The following SERPINI1 variants were observed in gnomAD, a reference collection of about 807,000 sequenced individuals.
The protein encoded by SERPINI1 is serpin family I member 1.
In SERPINI1, 19 loss-of-function variants were observed where a neutral mutation model predicts 41.1. The ratio of observed to expected loss-of-function variants is 0.46; its 90% CI spans 0.32 to 0.68. The LOEUF is 0.68. Ranked by LOEUF, SERPINI1 falls within the 30% of genes least tolerant of loss-of-function variation. SERPINI1 has a pLI of 0.03. For missense variants in SERPINI1, 460 were observed against 479.2 expected, an observed-to-expected ratio of 0.96 and a Z score of 0.37; for synonymous variants, 138 against 156.6, an observed-to-expected ratio of 0.88 and a Z score of 0.89.
At chr3:167,781,281 A>G (rs755477476) in intron 1 of SERPINI1, among the ~76,000 whole-genome samples, 11 of 152,132 alleles carry the variant, frequency 7.2e-5, no homozygotes, top group Non-Finnish European at 1.3e-4. Context: ...TCCAAACACC[A>G]TGATAAAGTT....
At chr3:167,784,620 G>C (rs1039145185) in intron 1 of SERPINI1, among the ~76,000 whole-genome samples, 11 of 152,116 alleles carry the variant, frequency 7.2e-5, no homozygotes, top group Non-Finnish European at 1.0e-4. Context: ...TTCTTCACAG[G>C]GTGGCAGGAT....
At chr3:167,779,565 C>A (rs1296573526) in intron 1 of SERPINI1, among the ~76,000 whole-genome samples, 1 of 152,128 alleles carries the variant, frequency 6.6e-6, no homozygotes, top group Non-Finnish European at 1.5e-5. Flanking sequence ...AACTTCAAAA[C>A]CCATAGAGTC....
chr3:167,824,518 T>C lies in SERPINI1; in HGVS notation c.1112T>C (p.Ile371Thr). ...SRMAVLYPQV[I>T]VDHPFFFLIR... ...ATGGCTGTGCTGTATCCTCAAGTTA[T>C]TGTCGACCATCCATTTTTCTTTCTT... Residue 371 changes from isoleucine to threonine, a missense_variant, in exon 8 of 9, where the codon ATT becomes ACT. By Grantham distance (89) the Ile-to-Thr change is moderately conservative. Transcript: ENST00000446050. 1.2e-6 allele frequency: 2 copies of C among 1,613,718 alleles called. No individual in the cohort carries two copies. Among genetic ancestry groups the C allele is most frequent in the Non-Finnish European group, 1.7e-6 (2 of 1,179,764 alleles).
chr3:167,759,953 A>C (rs774305462), intron 1 of SERPINI1, among the ~76,000 whole-genome samples: 15 of 152,188 alleles, frequency 9.9e-5, no homozygotes, highest in South Asian at 2.1e-4. Flanking sequence ...TTCTGTAGTC[A>C]AGACACTGCA....
rs975425993 is a variant in SERPINI1, at chr3:167,744,075, C to T, written c.-19+8252C>T. Among the ~76,000 whole-genome samples, 4 of 151,970 alleles carry T rather than the reference C, an allele frequency of 2.6e-5. No homozygotes were observed. In the East Asian group the frequency reaches 7.7e-4, roughly 29 times the overall value. On this transcript the variant is annotated intron_variant, in intron 1 of 8. Transcript: ENST00000446050. Reference sequence around the variant, plus strand: ...CAAGACTAAAGTATTTCCTATCTGGCCCTTTTAAAAAAATTTGTCAAACAC... The same window carrying T: ...CAAGACTAAAGTATTTCCTATCTGGTCCTTTTAAAAAAATTTGTCAAACAC...
intron 1 of SERPINI1, among the ~76,000 whole-genome samples, chr3:167,786,990 C>G (rs1727338878): frequency 6.6e-6 from 1 of 152,184 alleles, no homozygotes; most frequent in African/African-American, 2.4e-5. Context: ...AAAGCATTTT[C>G]TTTCTTTATA....
chr3:167,741,059 G>A (rs1725662991), intron 1 of SERPINI1, among the ~76,000 whole-genome samples: 1 of 152,164 alleles, frequency 6.6e-6, no homozygotes, highest in Admixed American at 6.5e-5. Flanking sequence ...GAGCCATCAT[G>A]AAGAACGAAT....
intron 5 of SERPINI1, among the ~76,000 whole-genome samples, chr3:167,803,541 C>A (rs2108565183): frequency 6.6e-6 from 1 of 152,242 alleles, no homozygotes; most frequent in African/African-American, 2.4e-5. Flanking sequence ...CTTATTTAAT[C>A]TTTCCAACAA....
chr3:167,765,079 T>C (rs1211276619), intron 1 of SERPINI1, among the ~76,000 whole-genome samples: 1 of 152,172 alleles, frequency 6.6e-6, no homozygotes, highest in Non-Finnish European at 1.5e-5. Context: ...AGGCACACAG[T>C]GCAAGCTATC....
At chr3:167,757,583 C>T (rs918070578) in intron 1 of SERPINI1, among the ~76,000 whole-genome samples, 5 of 151,930 alleles carry the variant, frequency 3.3e-5, no homozygotes, top group African/African-American at 4.8e-5. Context: ...AATCATACTC[C>T]GTGTTGGCCT....
chr3:167,763,600 A>C (rs1404226936), intron 1 of SERPINI1, among the ~76,000 whole-genome samples: 1 of 152,170 alleles, frequency 6.6e-6, no homozygotes, highest in East Asian at 1.9e-4. Flanking sequence ...TCAGGCTGCT[A>C]TACCACGATT....
chr3:167,807,625 T>A (rs928759424), intron 6 of SERPINI1, among the ~76,000 whole-genome samples: 2 of 152,162 alleles, frequency 1.3e-5, no homozygotes, highest in Non-Finnish European at 2.9e-5. Flanking sequence ...TCTGACATAA[T>A]GCCTTGTAGA....
chr3:167,748,793 T>TGTGTGTGTG (rs1559994325), intron 1 of SERPINI1, among the ~76,000 whole-genome samples: 1 of 145,970 alleles, frequency 6.9e-6, no homozygotes, highest in Non-Finnish European at 1.5e-5. Context: ...TGTGTGTGTG[T>TGTGTGTGTG]TAACTGTATC....
At chr3:167,796,346 T>C (rs1451084224) in intron 5 of SERPINI1, among the ~76,000 whole-genome samples, 6 of 148,774 alleles carry the variant, frequency 4.0e-5, no homozygotes, top group African/African-American at 1.6e-4. Context: ...ATATTTTCTA[T>C]TTTTTATATT....
intron 1 of SERPINI1, among the ~76,000 whole-genome samples, chr3:167,767,280 T>A (rs2108543396): frequency 6.6e-6 from 1 of 152,354 alleles, no homozygotes; most frequent in East Asian, 1.9e-4. Flanking sequence ...ACATCTGTTT[T>A]GCAGCATGAC....
intron 1 of SERPINI1, among the ~76,000 whole-genome samples, chr3:167,747,691 G>T (rs1725905492): frequency 1.3e-5 from 2 of 151,994 alleles, no homozygotes; most frequent in South Asian, 2.1e-4. Flanking sequence ...ACCTTAAAAG[G>T]GTACATTTTA....
intron 1 of SERPINI1, among the ~76,000 whole-genome samples, chr3:167,769,910 G>A (rs1468523810): frequency 2.0e-5 from 3 of 149,890 alleles, no homozygotes; most frequent in African/African-American, 7.3e-5. Context: ...TGTAGAGTAG[G>A]AAAATTATTC....
At chr3:167,766,531 G>C (rs145924182) in intron 1 of SERPINI1, among the ~76,000 whole-genome samples, 98 of 152,356 alleles carry the variant, frequency 6.4e-4, no homozygotes, top group African/African-American at 2.3e-3. Flanking sequence ...GGGACACAGA[G>C]CCAAACCATA....
intron 5 of SERPINI1, among the ~76,000 whole-genome samples, chr3:167,797,452 T>C (rs772827077): frequency 1.3e-5 from 2 of 152,154 alleles, no homozygotes; most frequent in Non-Finnish European, 2.9e-5. Context: ...TGCCTAGGTT[T>C]TCTTCTAGGG....
Sources: allele counts gnomAD v4.1 joint callset (sites outside exome capture counted in the v4.1 genomes callset), GRCh38; gene constraint gnomAD v4.1.1; transcripts MANE v1.5; gene names NCBI Gene and HGNC (gene_info 2026-07-23, HGNC 2026-07-21).